The following ARHGAP6 variants were observed in gnomAD, a reference collection of about 807,000 sequenced individuals.
ARHGAP6 encodes rho GTPase-activating protein 6.
In ARHGAP6, 16 loss-of-function variants were observed where a neutral mutation model predicts 55.7. That is an observed-to-expected ratio of 0.29 (90% CI 0.19 to 0.44). ARHGAP6 has a LOEUF of 0.44. Ranked by LOEUF, ARHGAP6 falls within the 20% of genes least tolerant of loss-of-function variation. ARHGAP6 has a pLI of 1.00. For synonymous variants in ARHGAP6, 382 were observed against 360.9 expected (o/e 1.06, Z -0.66); for missense variants, 698 against 808.9 (o/e 0.86, Z 1.66).
chrX:11,535,093 T>G (rs748193481), intron 1 of ARHGAP6, among the ~76,000 whole-genome samples: 6 of 111,885 alleles, frequency 5.4e-5, no homozygotes, highest in Non-Finnish European at 9.4e-5. Flanking sequence ...AGTTTCTTTT[T>G]ATTGCAATAA....
intron 1 of ARHGAP6, among the ~76,000 whole-genome samples, chrX:11,393,546 T>C (rs1408841857): frequency 8.9e-6 from 1 of 112,110 alleles, no homozygotes; most frequent in African/African-American, 3.2e-5. Flanking sequence ...GTAGTACATA[T>C]CTGTACATAA....
At chrX:11,324,022 C>T (rs1369473263) in intron 1 of ARHGAP6, among the ~76,000 whole-genome samples, 3 of 111,311 alleles carry the variant, frequency 2.7e-5, no homozygotes, top group Non-Finnish European at 5.7e-5. Context: ...GAAACAATAG[C>T]CAACACCATA....
intron 2 of ARHGAP6, among the ~76,000 whole-genome samples, chrX:11,253,816 A>C (rs749898747): frequency 1.8e-5 from 2 of 110,223 alleles, no homozygotes; most frequent in Non-Finnish European, 3.8e-5. Context: ...GAGGTAGGAG[A>C]ATCACTTGAA....
chrX:11,438,508 G>A (rs1451945434), intron 1 of ARHGAP6, among the ~76,000 whole-genome samples: 1 of 112,536 alleles, frequency 8.9e-6, no homozygotes, highest in East Asian at 2.8e-4. Flanking sequence ...GCACATAGAA[G>A]CTCTGTATCA....
At chrX:11,278,155 A>G (rs755495807) in intron 1 of ARHGAP6, among the ~76,000 whole-genome samples, 11 of 111,619 alleles carry the variant, frequency 9.9e-5, no homozygotes, top group African/African-American at 3.6e-4. Flanking sequence ...AGTGCAGAAT[A>G]ATATCTCTCA....
chrX:11,314,816 C>A (rs904612000), intron 1 of ARHGAP6, among the ~76,000 whole-genome samples: 2 of 111,439 alleles, frequency 1.8e-5, no homozygotes, highest in Non-Finnish European at 3.8e-5. Flanking sequence ...GGGAGAGGAA[C>A]AGGAAAAATA....
intron 1 of ARHGAP6, among the ~76,000 whole-genome samples, chrX:11,543,191 C>G (rs188105928): frequency 8.9e-6 from 1 of 112,490 alleles, no homozygotes; most frequent in African/African-American, 3.2e-5. Flanking sequence ...TGCTTGGGGT[C>G]CCCTTAGAGC....
intron 9 of ARHGAP6, among the ~76,000 whole-genome samples, chrX:11,163,288 C>A (rs1265929903): frequency 3.6e-5 from 4 of 112,264 alleles, no homozygotes; most frequent in African/African-American, 1.3e-4. Flanking sequence ...TTAAAATCTA[C>A]CCGATCAAAT....
intron 11 of ARHGAP6, chrX:11,142,604 G>T (rs751256337): frequency 1.6e-5 from 2 of 127,461 alleles, no homozygotes; most frequent in South Asian, 5.4e-4. Context: ...CTTTGCAGGT[G>T]TGATTAAATT....
At chrX:11,529,998 G>C (rs1008555019) in intron 1 of ARHGAP6, among the ~76,000 whole-genome samples, 1 of 111,682 alleles carries the variant, frequency 9.0e-6, no homozygotes, top group African/African-American at 3.3e-5. Context: ...TGCCACTTCA[G>C]AAAGCCACTG....
chrX:11,266,421 C>T lies in ARHGAP6; in HGVS notation c.589-11714G>A, dbSNP rs377354377. ...CTCCATTTTTCTAACACTAGCCACA[C>T]ACACTAAAAAGCAAAAGTTTTCATT... On this transcript the variant is annotated intron_variant, in intron 1 of 12. Coordinates refer to ENST00000337414, the MANE Select transcript of ARHGAP6 (RefSeq NM_013427.3). Among the ~76,000 whole-genome samples, 8 of 111,784 alleles carry T rather than the reference C, an allele frequency of 7.2e-5. No individual in the cohort carries two copies. The East Asian group carries it at 1.1e-3, about 16-fold the overall frequency.
chrX:11,145,876 A>T (rs1393757431), intron 10 of ARHGAP6, among the ~76,000 whole-genome samples: 1 of 112,299 alleles, frequency 8.9e-6, no homozygotes, highest in African/African-American at 3.2e-5. Context: ...GGGCCAGCAA[A>T]TTTTTTAAAG....
chrX:11,164,413 T>A (rs1420292268), intron 9 of ARHGAP6, among the ~76,000 whole-genome samples: 1 of 112,231 alleles, frequency 8.9e-6, no homozygotes, highest in Non-Finnish European at 1.9e-5. Flanking sequence ...ATGGAAATCA[T>A]ATATAATTAT....
intron 1 of ARHGAP6, among the ~76,000 whole-genome samples, chrX:11,583,789 A>C (rs952786231): frequency 2.7e-5 from 3 of 111,895 alleles, no homozygotes; most frequent in African/African-American, 9.7e-5. Context: ...AAACATGATC[A>C]TCTCAAGTAA....
At chrX:11,571,952 G>T (rs2051523744) in intron 1 of ARHGAP6, among the ~76,000 whole-genome samples, 1 of 109,957 alleles carries the variant, frequency 9.1e-6, no homozygotes, top group Non-Finnish European at 1.9e-5. Flanking sequence ...ACATACCATT[G>T]CTGGCTTTCA....
At chrX:11,387,198 A>C (rs1235977930) in intron 1 of ARHGAP6, among the ~76,000 whole-genome samples, 2 of 112,266 alleles carry the variant, frequency 1.8e-5, no homozygotes, top group African/African-American at 6.5e-5. Context: ...ATCTACCTAC[A>C]TCAGTGGGTG....
chrX:11,174,719 G>A (rs901238708), intron 8 of ARHGAP6, among the ~76,000 whole-genome samples: 7 of 90,918 alleles, frequency 7.7e-5, no homozygotes, highest in East Asian at 3.4e-4. Context: ...ATGGAGTCTC[G>A]CTCTGTCACC....
At chrX:11,310,537 C>A (rs748875524) in intron 1 of ARHGAP6, among the ~76,000 whole-genome samples, 1 of 111,809 alleles carries the variant, frequency 8.9e-6, no homozygotes, top group Non-Finnish European at 1.9e-5. Context: ...ATAAATACTA[C>A]AACATGGATG....
chrX:11,243,900 T>C (rs2047319013), intron 2 of ARHGAP6, among the ~76,000 whole-genome samples: 1 of 112,146 alleles, frequency 8.9e-6, no homozygotes, highest in Non-Finnish European at 1.9e-5. Context: ...GGCTCTACCA[T>C]ATCGCCTAGG....
Sources: gnomAD v4.1 joint callset for allele counts (sites outside exome capture counted in the v4.1 genomes callset) on GRCh38, gnomAD v4.1.1 for gene constraint, MANE v1.5 for transcripts, NCBI Gene and HGNC (gene_info 2026-07-23, HGNC 2026-07-21) for gene names.